Variants in RFTN2 observed in about 807,000 individuals in gnomAD.
RFTN2 encodes the protein raftlin-2.
Under a neutral mutation model 52.7 loss-of-function variants are expected in RFTN2, and 34 were observed. The observed-to-expected ratio is 0.64, with a 90% confidence interval of 0.49 to 0.86. The LOEUF (loss-of-function observed/expected upper bound fraction) is 0.86, where lower values mean the gene tolerates loss of function less well. Ranked by LOEUF, RFTN2 falls within the 40% of genes least tolerant of loss-of-function variation. The pLI is 0.00. For synonymous variants in RFTN2, 203 were observed against 217.7 expected, an observed-to-expected ratio of 0.93 and a Z score of 0.59; for missense variants, 536 against 600.1, an observed-to-expected ratio of 0.89 and a Z score of 1.12.
rs368173997 is a variant in RFTN2, at chr2:197,647,140, G to A, written c.140-474C>T. ...GACTATATTTCCATTAATAGATATT[G>A]AAGACATACATAGGAGATACAATAA... is the stretch of plus-strand genomic sequence containing the variant. On this transcript the variant is annotated intron_variant, in intron 1 of 8. Transcript: ENST00000295049. 5.3e-4 allele frequency among the ~76,000 whole-genome samples: 81 copies of A among 152,184 alleles called. 1 individual carries two copies. Among genetic ancestry groups the A allele is most frequent in the African/African-American group, 1.9e-3 (79 of 41,496 alleles).
At chr2:197,609,626 CTTTAG>C (rs2088022423) in intron 7 of RFTN2, among the ~76,000 whole-genome samples, 1 of 152,168 alleles carries the variant, frequency 6.6e-6, no homozygotes, top group Admixed American at 6.6e-5. Context: ...TGCAGAAGCA[CTTTAG>C]TTTAATTAGA....
At chr2:197,630,078 C>T (rs375275034) in intron 5 of RFTN2, among the ~76,000 whole-genome samples, 39 of 152,282 alleles carry the variant, frequency 2.6e-4, no homozygotes, top group South Asian at 1.2e-3. Flanking sequence ...CTAAGCATTA[C>T]GCAAGGTATT....
Position 197,652,512 on chromosome 2 carries a change from CCTTTT to C in RFTN2, c.140-5851_140-5847del, listed in dbSNP as rs541501942. Among the ~76,000 whole-genome samples the C allele has an allele frequency of 1.8e-4, 28 of 152,164 alleles. No homozygotes were observed. The South Asian group carries it at 3.3e-3, about 18-fold the overall frequency. On this transcript the variant is annotated intron_variant, in intron 1 of 8. Coordinates refer to ENST00000295049, the MANE Select transcript of RFTN2 (RefSeq NM_144629.3). ...GAAATATCTTCATTTCACTTAATTT[CCTTTT>C]CTTATGTATGTAAGAGAGATATATA...
chr2:197,650,488 A>G (rs1049838575), intron 1 of RFTN2, among the ~76,000 whole-genome samples: 6 of 152,218 alleles, frequency 3.9e-5, no homozygotes, highest in South Asian at 2.1e-4. Flanking sequence ...GTAAAATTCA[A>G]TCTAAGAATA....
intron 8 of RFTN2, among the ~76,000 whole-genome samples, chr2:197,578,792 C>A (rs925128991): frequency 6.6e-6 from 1 of 152,182 alleles, no homozygotes; most frequent in East Asian, 1.9e-4. Context: ...TGCCGTGATT[C>A]GGATTGGGGG....
At chr2:197,583,974 G>A (rs1046008508) in intron 8 of RFTN2, among the ~76,000 whole-genome samples, 5 of 14,578 alleles carry the variant, frequency 3.4e-4, no homozygotes, top group African/African-American at 3.3e-3. Flanking sequence ...TTTTTATGGC[G>A]CATAGTATTC....
intron 3 of RFTN2, among the ~76,000 whole-genome samples, chr2:197,643,278 T>G (rs2088700151): frequency 6.6e-6 from 1 of 151,264 alleles, no homozygotes. Flanking sequence ...TTTTGTAGAG[T>G]TGGGGGTCTT....
At chr2:197,628,657 A>T (rs1280446025) in intron 5 of RFTN2, among the ~76,000 whole-genome samples, 1 of 152,226 alleles carries the variant, frequency 6.6e-6, no homozygotes, top group Admixed American at 6.5e-5. Flanking sequence ...TATGAAGCAT[A>T]AACCAACCTC....
chr2:197,625,699 C>CTCTCTTCTCCTCTCCTCTCT (rs1553602634), intron 5 of RFTN2, among the ~76,000 whole-genome samples: 2 of 103,054 alleles, frequency 1.9e-5, no homozygotes, highest in Non-Finnish European at 4.0e-5. Context: ...CTCTCCTCTC[C>CTCTCTTCTCCTCTCCTCTCT]TCTCCTCTCC....
intron 4 of RFTN2, among the ~76,000 whole-genome samples, chr2:197,633,392 T>C (rs1183649229): frequency 6.6e-6 from 1 of 152,204 alleles, no homozygotes; most frequent in Non-Finnish European, 1.5e-5. Context: ...AACAGCTTTT[T>C]AGACCTAATA....
chr2:197,629,478 G>T (rs2088425274), intron 5 of RFTN2, among the ~76,000 whole-genome samples: 1 of 152,126 alleles, frequency 6.6e-6, no homozygotes, highest in Admixed American at 6.5e-5. Flanking sequence ...ATAGTATTAG[G>T]AGAAATACCT....
chr2:197,603,472 TTTTAAA>T (rs2087911575), intron 7 of RFTN2, among the ~76,000 whole-genome samples: 2 of 152,218 alleles, frequency 1.3e-5, no homozygotes, highest in Admixed American at 6.5e-5. Flanking sequence ...GGTAGAGATT[TTTTAAA>T]TTTAAATTTA....
At position 197,571,731 on chromosome 2, in the gene RFTN2, A is replaced by G; in HGVS notation, c.*277T>C. On this transcript the variant is annotated 3_prime_UTR_variant, in exon 9 of 9. Coordinates refer to ENST00000295049, the MANE Select transcript of RFTN2 (RefSeq NM_144629.3). Reference sequence around the variant, plus strand: ...AAAGTCTACTTTGTACATTCATGAGAAGCTGAAATAGATTATTGTGTAATA... The same window carrying G: ...AAAGTCTACTTTGTACATTCATGAGGAGCTGAAATAGATTATTGTGTAATA... The G allele has an allele frequency of 2.5e-6, 1 of 408,034 alleles. No homozygotes were observed. The highest frequency in any genetic ancestry group is 4.4e-6 in the Non-Finnish European group (1 of 226,382). The allele number at this position is 408,034 out of a possible 1,614,324, so 25.3% of individuals were successfully genotyped here. A position where few individuals can be genotyped will look rare whatever the true frequency, so the allele number is the denominator to read the frequency against.
chr2:197,656,334 C>G (rs1037069994), intron 1 of RFTN2, among the ~76,000 whole-genome samples: 4 of 152,176 alleles, frequency 2.6e-5, no homozygotes, highest in Non-Finnish European at 4.4e-5. Flanking sequence ...ACACTATTCT[C>G]TTTAAGAGCA....
At chr2:197,581,627 C>T (rs2087512153) in intron 8 of RFTN2, among the ~76,000 whole-genome samples, 1 of 152,192 alleles carries the variant, frequency 6.6e-6, no homozygotes, top group South Asian at 2.1e-4. Flanking sequence ...CCTGCTTCTT[C>T]AACATTTATT....
intron 8 of RFTN2, among the ~76,000 whole-genome samples, chr2:197,580,096 C>T (rs1379770692): frequency 6.6e-6 from 1 of 152,118 alleles, no homozygotes; most frequent in Non-Finnish European, 1.5e-5. Flanking sequence ...TGCTTTACCG[C>T]CCTAGACCCA....
chr2:197,604,611 G>C (rs529551544), intron 7 of RFTN2, among the ~76,000 whole-genome samples: 2 of 152,208 alleles, frequency 1.3e-5, no homozygotes, highest in Non-Finnish European at 2.9e-5. Flanking sequence ...TCTCTGTGTG[G>C]AGGAAGTGAA....
At chr2:197,579,529 C>T (rs554437902) in intron 8 of RFTN2, among the ~76,000 whole-genome samples, 36 of 152,264 alleles carry the variant, frequency 2.4e-4, no homozygotes, top group Admixed American at 2.6e-4. Context: ...TTCAATTTTT[C>T]GGTCCTACAA....
In RFTN2 at chr2:197,620,834, C is replaced by T. The variant is rs193250844; in HGVS notation, c.929-2913G>A. ...ATACAAAATTAGCTGGGCATGGTGGCGCATGCCTGTAATCCTGGCTACTCG... is the reference window on the plus strand; with the variant it reads ...ATACAAAATTAGCTGGGCATGGTGGTGCATGCCTGTAATCCTGGCTACTCG... On this transcript the variant is annotated intron_variant, in intron 5 of 8. Transcript: ENST00000295049. Among the ~76,000 whole-genome samples the T allele has an allele frequency of 9.2e-5, 14 of 152,206 alleles. No individual in the cohort carries two copies. In the East Asian group the frequency reaches 2.1e-3, roughly 23 times the overall value.
Sources: allele counts gnomAD v4.1 joint callset (sites outside exome capture counted in the v4.1 genomes callset), GRCh38; gene constraint gnomAD v4.1.1; transcripts MANE v1.5; gene names NCBI Gene and HGNC (gene_info 2026-07-23, HGNC 2026-07-21).